Variants in CHST3 observed in about 807,000 individuals in gnomAD.
CHST3 encodes the protein C6ST-1.
In CHST3, 20 loss-of-function variants were observed where a neutral mutation model predicts 35.4. The ratio of observed to expected loss-of-function variants is 0.57; its 90% CI spans 0.40 to 0.82. CHST3 has a LOEUF of 0.82. CHST3 is among the 40% of genes least tolerant of loss of function. The pLI, the probability that CHST3 is intolerant of heterozygous loss-of-function variation, is 0.00. For synonymous variants in CHST3, 334 were observed against 295.9 expected (o/e 1.13, Z -1.32); for missense variants, 693 against 670.1 (o/e 1.03, Z -0.38).
rs548375655 is a variant in CHST3 at position 71,992,203 on chromosome 10, A to G, written c.-107-13533A>G. On this transcript the variant is annotated intron_variant, in intron 1 of 2. Transcript: ENST00000373115. ...TTTTGTTTTTGTTTTTTGTGTTTTGAGACAGGGTCTTGCTCTGTTGCCCAG... is the reference window on the plus strand; with the variant it reads ...TTTTGTTTTTGTTTTTTGTGTTTTGGGACAGGGTCTTGCTCTGTTGCCCAG... 2.3e-4 allele frequency among the ~76,000 whole-genome samples: 35 copies of G among 151,866 alleles called. No individual in the cohort carries two copies. The South Asian group carries it at 7.1e-3, about 31-fold the overall frequency.
In CHST3 at chr10:72,005,612, T is replaced by C. The variant is rs1445523475; in HGVS notation, c.-107-124T>C. 3 of 589,812 alleles carry C rather than the reference T, an allele frequency of 5.1e-6. No homozygotes were observed. The Admixed American group carries it at 8.8e-5, about 17-fold the overall frequency. The allele number at this position is 589,812 out of a possible 1,614,324, so 36.5% of individuals were successfully genotyped here. A position where few individuals can be genotyped will look rare whatever the true frequency, so the allele number is the denominator to read the frequency against. On this transcript the variant is annotated intron_variant, in intron 1 of 2. Transcript: ENST00000373115. ...CAGTGTCTCTGGGGCACAGTCTGTCTGGAGAGTGGGTCTGGGGTCCTGGCT... is the reference window on the plus strand; with the variant it reads ...CAGTGTCTCTGGGGCACAGTCTGTCCGGAGAGTGGGTCTGGGGTCCTGGCT...
At chr10:72,001,900 G>C (rs1839996724) in intron 1 of CHST3, among the ~76,000 whole-genome samples, 1 of 152,210 alleles carries the variant, frequency 6.6e-6, no homozygotes. Flanking sequence ...GGAGAGAAGT[G>C]ATACAAAGGT....
rs1476917552 is a variant in CHST3, at chr10:72,007,625, C to T, written c.594C>T (p.Cys198=). ...YRDVLKQLFL[C]DLYVLEHFIT... The stretch of plus-strand genomic sequence containing the variant: ...ACGTGCTCAAGCAGCTCTTCCTGTG[C>T]GACCTGTACGTGCTGGAGCACTTCA... The change falls in exon 3 of 3, where the codon TGC becomes TGT. Residue 198 remains cysteine, a synonymous_variant. Coordinates refer to ENST00000373115, the MANE Select transcript of CHST3 (RefSeq NM_004273.5). 3 of 1,609,836 alleles carry T rather than the reference C, an allele frequency of 1.9e-6. No individual in the cohort carries two copies. Among genetic ancestry groups the T allele is most frequent in the Admixed American group, 1.7e-5 (1 of 59,846 alleles).
In CHST3 at chr10:71,998,865, G is replaced by A. The variant is rs60211676; in HGVS notation, c.-107-6871G>A. 1.1e-3 allele frequency among the ~76,000 whole-genome samples: 161 copies of A among 152,220 alleles called. 3 individuals carry two copies. The East Asian group carries it at 0.026, about 25-fold the overall frequency. On this transcript the variant is annotated intron_variant, in intron 1 of 2. Coordinates refer to ENST00000373115, the MANE Select transcript of CHST3 (RefSeq NM_004273.5). ...CCCTGGGGTGCTCAGATGCTCTTGGGAGTAACATAGCCCCATAGCCCCGGG... is the reference window on the plus strand; with the variant it reads ...CCCTGGGGTGCTCAGATGCTCTTGGAAGTAACATAGCCCCATAGCCCCGGG...
At chr10:71,990,591 G>A (rs1044700165) in intron 1 of CHST3, among the ~76,000 whole-genome samples, 3 of 152,028 alleles carry the variant, frequency 2.0e-5, no homozygotes, top group South Asian at 2.1e-4. Context: ...TCAAACTCCC[G>A]CCCTCAGGTG....
Position 71,965,040 on chromosome 10 carries a change from T to C in CHST3, c.-108+346T>C, listed in dbSNP as rs1014343942. 2.6e-5 allele frequency among the ~76,000 whole-genome samples: 4 copies of C among 152,246 alleles called. No individual in the cohort carries two copies. In the East Asian group the frequency reaches 7.7e-4, roughly 29 times the overall value. ...GGATTTGGCCTCTACAGCAGGCACGTCCTCACACCCCTCCGTCACATCCAC... is the reference window on the plus strand; with the variant it reads ...GGATTTGGCCTCTACAGCAGGCACGCCCTCACACCCCTCCGTCACATCCAC... On this transcript the variant is annotated intron_variant, in intron 1 of 2. Transcript: ENST00000373115.
At chr10:72,000,855 AG>A in intron 1 of CHST3, among the ~76,000 whole-genome samples, 1 of 151,832 alleles carries the variant, frequency 6.6e-6, no homozygotes, top group African/African-American at 2.4e-5. Context: ...TGAGGAAGCC[AG>A]GGAAGCAGGA....
chr10:71,991,793 G>T (rs1241639284), intron 1 of CHST3, among the ~76,000 whole-genome samples: 1 of 152,018 alleles, frequency 6.6e-6, no homozygotes, highest in African/African-American at 2.4e-5. Context: ...AATTAGCCAG[G>T]CATGGTGGCA....
intron 1 of CHST3, among the ~76,000 whole-genome samples, chr10:71,996,483 T>C (rs1350501206): frequency 1.3e-5 from 2 of 151,322 alleles, no homozygotes; most frequent in Non-Finnish European, 2.9e-5. Context: ...TGCATATGCA[T>C]GTATACACCC....
At chr10:71,980,904 A>G (rs1009742710) in intron 1 of CHST3, among the ~76,000 whole-genome samples, 7 of 152,222 alleles carry the variant, frequency 4.6e-5, no homozygotes, top group Non-Finnish European at 1.0e-4. Flanking sequence ...CACTATTAAT[A>G]TAAAGTGTTG....
intron 1 of CHST3, among the ~76,000 whole-genome samples, chr10:71,995,784 C>A (rs567861115): frequency 7.9e-4 from 120 of 152,234 alleles, no homozygotes; most frequent in African/African-American, 2.8e-3. Flanking sequence ...CACCCCAAAA[C>A]ACTTACAATA....
chr10:71,991,848 C>T (rs563040278), intron 1 of CHST3, among the ~76,000 whole-genome samples: 63 of 151,900 alleles, frequency 4.1e-4, no homozygotes, highest in African/African-American at 1.3e-3. Flanking sequence ...GCAGGAGAAT[C>T]GCTGGAACCC....
intron 1 of CHST3, among the ~76,000 whole-genome samples, chr10:71,968,741 A>G (rs1170400507): frequency 6.6e-6 from 1 of 152,148 alleles, no homozygotes; most frequent in African/African-American, 2.4e-5. Flanking sequence ...GTGGGAATCA[A>G]AGGCTGGGTG....
intron 1 of CHST3, among the ~76,000 whole-genome samples, chr10:71,984,803 G>A (rs1384102911): frequency 6.6e-6 from 1 of 152,204 alleles, no homozygotes; most frequent in Non-Finnish European, 1.5e-5. Flanking sequence ...GTTAACTTCT[G>A]TTACTATTCA....
intron 1 of CHST3, among the ~76,000 whole-genome samples, chr10:71,998,736 C>T (rs921116136): frequency 3.9e-5 from 6 of 152,252 alleles, no homozygotes; most frequent in Admixed American, 1.3e-4. Context: ...TCCACTGACA[C>T]TCAGGTGACA....
chr10:71,982,597 A>T (rs567414386), intron 1 of CHST3, among the ~76,000 whole-genome samples: 3 of 152,212 alleles, frequency 2.0e-5, no homozygotes, highest in East Asian at 3.9e-4. Flanking sequence ...CTACAAAAAT[A>T]AAAAAATTAG....
At chr10:71,968,845 G>A (rs1839657899) in intron 1 of CHST3, among the ~76,000 whole-genome samples, 1 of 152,182 alleles carries the variant, frequency 6.6e-6, no homozygotes, top group African/African-American at 2.4e-5. Context: ...AGTAATTCCA[G>A]TGAGACATGA....
intron 1 of CHST3, among the ~76,000 whole-genome samples, chr10:71,985,578 G>A (rs1839840387): frequency 6.6e-6 from 1 of 152,194 alleles, no homozygotes; most frequent in South Asian, 2.1e-4. Context: ...GGCCATTTCT[G>A]CTCAATCTTA....
chr10:71,993,873 G>A (rs560175475), intron 1 of CHST3, among the ~76,000 whole-genome samples: 1 of 152,194 alleles, frequency 6.6e-6, no homozygotes, highest in Non-Finnish European at 1.5e-5. Flanking sequence ...GCTGAGGTGG[G>A]TGGATCACCT....
Sources: gnomAD v4.1 joint callset for allele counts (sites outside exome capture counted in the v4.1 genomes callset) on GRCh38, gnomAD v4.1.1 for gene constraint, MANE v1.5 for transcripts, NCBI Gene and HGNC (gene_info 2026-07-23, HGNC 2026-07-21) for gene names.